INSL6: variants seen among roughly 807,000 people sequenced by gnomAD.
INSL6 encodes insulin-like peptide INSL6.
A neutral mutation model predicts 9.4 loss-of-function variants in INSL6; 16 were observed. The ratio of observed to expected loss-of-function variants is 1.70; its 90% CI spans 1.15 to 2.59. The LOEUF (loss-of-function observed/expected upper bound fraction) is 2.59. INSL6 is among the 30% of genes most tolerant of loss of function. The probability of loss-of-function intolerance (pLI) is 0.00; values close to 1 mark genes in which losing one functional copy is unlikely to be tolerated. For missense variants in INSL6, 391 were observed against 257.3 expected, an observed-to-expected ratio of 1.52 and a Z score of -3.56; for synonymous variants, 154 against 96.9, an observed-to-expected ratio of 1.59 and a Z score of -3.46.
chr9:5,009,200 T>A, the INSL6 span, among the ~76,000 whole-genome samples: 1 of 152,152 alleles, frequency 6.6e-6, no homozygotes, highest in African/African-American at 2.4e-5. Context: ...GGCTCAGACA[T>A]CAGCAGGTGT....
At chr9:5,097,232 A>G in the INSL6 span, 5 of 152,214 alleles carry the variant, frequency 3.3e-5, no homozygotes, top group African/African-American at 1.2e-4. Flanking sequence ...TCCTCATTAC[A>G]GCAATCCTAC....
the INSL6 span, chr9:5,021,998 C>G: frequency 2.5e-6 from 4 of 1,612,948 alleles, no homozygotes; most frequent in African/African-American, 1.3e-5. Context: ...ATGGGAATGG[C>G]CTGCCTTACG....
chr9:5,156,661 C>T (rs1824819401), intron 2 of INSL6, among the ~76,000 whole-genome samples: 1 of 152,042 alleles, frequency 6.6e-6, no homozygotes, highest in African/African-American at 2.4e-5. Flanking sequence ...TAATGTTGCA[C>T]TGGAAGTCCT....
chr9:5,153,427 A>C (rs562666744), intron 2 of INSL6, among the ~76,000 whole-genome samples: 1 of 152,344 alleles, frequency 6.6e-6, no homozygotes, highest in South Asian at 2.1e-4. Flanking sequence ...GCCACTGGGA[A>C]GTTTGAACAG....
chr9:5,063,972 A>T, the INSL6 span, among the ~76,000 whole-genome samples: 2 of 152,196 alleles, frequency 1.3e-5, no homozygotes, highest in Non-Finnish European at 2.9e-5. Context: ...CCTGGCCAAC[A>T]TGTTGAAACT....
At chr9:4,996,883 C>G in the INSL6 span, among the ~76,000 whole-genome samples, 1 of 148,596 alleles carries the variant, frequency 6.7e-6, no homozygotes, top group African/African-American at 2.5e-5. Context: ...TAGGAACAGT[C>G]TTCATGGTGG....
At chr9:5,138,813 A>C (rs1824434455) in intron 2 of INSL6, among the ~76,000 whole-genome samples, 1 of 152,142 alleles carries the variant, frequency 6.6e-6, no homozygotes, top group South Asian at 2.1e-4. Flanking sequence ...TAGAATTTAA[A>C]GATCTCCTTC....
intron 2 of INSL6, among the ~76,000 whole-genome samples, chr9:5,141,930 A>T (rs570546787): frequency 2.9e-4 from 44 of 152,246 alleles, no homozygotes; most frequent in Middle Eastern, 3.4e-3. Flanking sequence ...TTTAATCTGC[A>T]TATGGCTAGC....
chr9:5,028,107 G>A, the INSL6 span, among the ~76,000 whole-genome samples: 1 of 152,178 alleles, frequency 6.6e-6, no homozygotes, highest in African/African-American at 2.4e-5. Flanking sequence ...AGGAAACACT[G>A]TGACAGCCAT....
intron 1 of INSL6, among the ~76,000 whole-genome samples, chr9:5,173,590 C>CA (rs1253731939): frequency 4.7e-4 from 71 of 151,888 alleles, no homozygotes; most frequent in African/African-American, 1.7e-3. Context: ...AAGCAAAAAA[C>CA]ACACAATGGG....
At chr9:5,083,220 T>A in the INSL6 span, among the ~76,000 whole-genome samples, 12 of 152,196 alleles carry the variant, frequency 7.9e-5, no homozygotes, top group Admixed American at 6.5e-5. Flanking sequence ...ATCTTATTGC[T>A]TAGGGTCTAG....
At chr9:5,080,584 G>A in the INSL6 span, 1 of 1,605,528 alleles carries the variant, frequency 6.2e-7, no homozygotes, top group Non-Finnish European at 8.5e-7. Context: ...AAAGTGGGCA[G>A]AATTAGCAAA....
At chr9:5,053,661 T>C in the INSL6 span, among the ~76,000 whole-genome samples, 1 of 152,184 alleles carries the variant, frequency 6.6e-6, no homozygotes, top group African/African-American at 2.4e-5. Context: ...GAAATGGCTA[T>C]GTACATGCTT....
At chr9:5,151,686 T>G (rs563069457) in intron 2 of INSL6, among the ~76,000 whole-genome samples, 1 of 151,950 alleles carries the variant, frequency 6.6e-6, no homozygotes, top group Non-Finnish European at 1.5e-5. Context: ...AGAAACAAAA[T>G]GTAATTATAA....
the INSL6 span, among the ~76,000 whole-genome samples, chr9:5,087,834 T>G: frequency 6.6e-6 from 1 of 152,190 alleles, no homozygotes; most frequent in African/African-American, 2.4e-5. Context: ...AAATATTTAT[T>G]TATAAGAATA....
the INSL6 span, among the ~76,000 whole-genome samples, chr9:5,031,624 A>G: frequency 2.0e-5 from 3 of 152,250 alleles, no homozygotes; most frequent in African/African-American, 7.2e-5. Context: ...TCAAACTATA[A>G]AAGTCTGAAT....
At chr9:5,029,703 CT>C in the INSL6 span, 4 of 1,300,226 alleles carry the variant, frequency 3.1e-6, no homozygotes, top group African/African-American at 4.5e-5. Context: ...GTTACTTTAG[CT>C]TCATTTCAAA....
the INSL6 span, among the ~76,000 whole-genome samples, chr9:5,056,339 A>G: frequency 6.6e-6 from 1 of 152,056 alleles, no homozygotes; most frequent in Non-Finnish European, 1.5e-5. Flanking sequence ...GAATTATTTT[A>G]TACTTTGCTC....
chr9:5,133,945 C>T (rs952218415), intron 2 of INSL6, among the ~76,000 whole-genome samples: 2 of 150,256 alleles, frequency 1.3e-5, no homozygotes, highest in Non-Finnish European at 1.5e-5. Context: ...GCTAAGAACA[C>T]TGAAAAAAGG....
Sources: allele counts gnomAD v4.1 joint callset (sites outside exome capture counted in the v4.1 genomes callset), GRCh38; gene constraint gnomAD v4.1.1; transcripts MANE v1.5; gene names NCBI Gene and HGNC (gene_info 2026-07-23, HGNC 2026-07-21).